PLCG1: variants seen among roughly 807,000 people sequenced by gnomAD.
PLCG1 encodes 1-phosphatidylinositol 4,5-bisphosphate phosphodiesterase gamma-1.
PLCG1 carries 71 observed loss-of-function variants against 177.8 expected under a neutral mutation model. The ratio of observed to expected loss-of-function variants is 0.40; its 90% CI spans 0.33 to 0.49. The LOEUF (loss-of-function observed/expected upper bound fraction) is 0.49, where lower values mean the gene tolerates loss of function less well. Ranked by LOEUF, PLCG1 falls within the 20% of genes least tolerant of loss-of-function variation. The pLI, the probability that PLCG1 is intolerant of heterozygous loss-of-function variation, is 0.72. For missense variants in PLCG1, 1,281 were observed against 1,709.0 expected, an observed-to-expected ratio of 0.75 and a Z score of 4.42; for synonymous variants, 658 against 647.9, an observed-to-expected ratio of 1.02 and a Z score of -0.24.
chr20:41,162,101 C>G (rs1286373674), intron 4 of PLCG1, among the ~76,000 whole-genome samples: 1 of 152,166 alleles, frequency 6.6e-6, no homozygotes, highest in African/African-American at 2.4e-5. Flanking sequence ...CACCTTGGCA[C>G]AGGCCTCAGC....
In PLCG1 at chr20:41,165,835, TC is replaced by T. The variant is rs774629840; in HGVS notation, c.1799+12del. On this transcript the variant is annotated intron_variant, in intron 16 of 31. Transcript: ENST00000685551. This position sits in a 1 kb window ranked among gnomAD's most constrained non-coding sequence, Gnocchi z 6.6. ...TACACGCTCTCTTTCTGGTAACACT[TC>T]CCATGCAGATGCGTATGTTCAGTCA... 5 of 1,567,886 alleles carry T rather than the reference TC, an allele frequency of 3.2e-6. No homozygotes were observed. The South Asian group carries it at 3.5e-5, about 11-fold the overall frequency.
Position 41,173,363 on chromosome 20 carries a change from T to G in PLCG1, c.3280-57T>G. On this transcript the variant is annotated intron_variant, in intron 27 of 31. Transcript: ENST00000685551. This position sits in a 1 kb window ranked among gnomAD's most constrained non-coding sequence, Gnocchi z 6.2. ...ACAGATGCTGACTGAGCCTCCGCAG[T>G]GGGGAATTGGAGGGAGCAGGAAGGA... 6 of 1,476,288 alleles carry G rather than the reference T, an allele frequency of 4.1e-6. No homozygotes were observed. Among genetic ancestry groups the G allele is most frequent in the Non-Finnish European group, 5.4e-6 (6 of 1,106,516 alleles). 91.4% of individuals were successfully genotyped at this position (1,476,288 alleles called of 1,614,324 possible). A position where few individuals can be genotyped will look rare whatever the true frequency, so the allele number is the denominator to read the frequency against.
Position 41,166,061 on chromosome 20 carries a change from C to A in PLCG1, c.1800-133C>A. On this transcript the variant is annotated intron_variant, in intron 16 of 31. Coordinates refer to ENST00000685551, the MANE Select transcript of PLCG1 (RefSeq NM_002660.3). This position sits in a 1 kb window ranked among gnomAD's most constrained non-coding sequence, Gnocchi z 8.6. ...CCTTTGGTTCATGTGACTGCCCACA[C>A]CTGAGCTCCTCAGGAGATTGGCCTC... The A allele has an allele frequency of 2.6e-6, 2 of 780,638 alleles. No homozygotes were observed. Among genetic ancestry groups the A allele is most frequent in the Non-Finnish European group, 4.1e-6 (2 of 491,396 alleles). The allele number at this position is 780,638 out of a possible 1,614,324, so 48.4% of individuals were successfully genotyped here.
In PLCG1 at chr20:41,137,627, C is replaced by G. The variant is rs1033305068; in HGVS notation, c.-15C>G. ...GGTCCTGGCCTGTGCCGCCGCCGCC[C>G]CCAGCGTCGGAGCCATGGCGGGCGC... On this transcript the variant is annotated 5_prime_UTR_variant, in exon 1 of 32. Transcript: ENST00000685551. The surrounding 1 kb of genome is among the most constrained non-coding windows in gnomAD (Gnocchi z 7.3). 6.8e-6 allele frequency: 9 copies of G among 1,315,274 alleles called. No homozygotes were observed. The African/African-American group carries it at 1.1e-4, about 16-fold the overall frequency. 81.5% of individuals were successfully genotyped at this position (1,315,274 alleles called of 1,614,324 possible). A position where few individuals can be genotyped will look rare whatever the true frequency, so the allele number is the denominator to read the frequency against.
chr20:41,155,282 GC>G (rs2035284931), intron 1 of PLCG1, among the ~76,000 whole-genome samples: 1 of 152,206 alleles, frequency 6.6e-6, no homozygotes, highest in Non-Finnish European at 1.5e-5. Flanking sequence ...GTAAGGGCAG[GC>G]CAAGGCTGAC....
chr20:41,171,559 C>G (rs2035896723), intron 24 of PLCG1, among the ~76,000 whole-genome samples: 1 of 135,898 alleles, frequency 7.4e-6, no homozygotes, highest in Non-Finnish European at 1.5e-5. Flanking sequence ...TGAACTCCAG[C>G]CTGGGCGACA....
intron 1 of PLCG1, chr20:41,138,120 A>T (rs1296183511): frequency 3.2e-6 from 1 of 309,710 alleles, no homozygotes; most frequent in African/African-American, 2.2e-5. Context: ...AGGCCTAAAA[A>T]TCCTCGCGGG....
Position 41,163,176 on chromosome 20 carries a change from T to A in PLCG1, c.717-27T>A. Reference sequence around the variant, plus strand: ...GCACCTTGTTGTCTGTTGACCATACTAGCTAGCTTACCTTCTCTCCCTGCA... The same window carrying A: ...GCACCTTGTTGTCTGTTGACCATACAAGCTAGCTTACCTTCTCTCCCTGCA... On this transcript the variant is annotated intron_variant, in intron 7 of 31. Transcript: ENST00000685551. This position sits in a 1 kb window ranked among gnomAD's most constrained non-coding sequence, Gnocchi z 5.2. The A allele has an allele frequency of 2.6e-6, 4 of 1,547,076 alleles. No individual in the cohort carries two copies. The highest frequency in any genetic ancestry group is 3.5e-6 in the Non-Finnish European group (4 of 1,147,872).
rs556503255 is a variant in PLCG1, at chr20:41,157,453, C to G, written c.218-2153C>G. 7.9e-5 allele frequency among the ~76,000 whole-genome samples: 12 copies of G among 152,278 alleles called. No homozygotes were observed. The highest frequency in any genetic ancestry group is 6.5e-4 in the Admixed American group (10 of 15,292). ...TTTTATGGCCCAGTTCTCCCTGCCCCTGTTTCTACCCGAGTATAACTGTTC... is the reference window on the plus strand; with the variant it reads ...TTTTATGGCCCAGTTCTCCCTGCCCGTGTTTCTACCCGAGTATAACTGTTC... On this transcript the variant is annotated intron_variant, in intron 1 of 31. Transcript: ENST00000685551. The surrounding 1 kb of genome is among the most constrained non-coding windows in gnomAD (Gnocchi z 5.4).
In PLCG1 at chr20:41,156,828, C is replaced by T. The variant is rs1180265742; in HGVS notation, c.218-2778C>T. On this transcript the variant is annotated intron_variant, in intron 1 of 31. Transcript: ENST00000685551. This position sits in a 1 kb window ranked among gnomAD's most constrained non-coding sequence, Gnocchi z 5.0. Reference sequence around the variant, plus strand: ...CCAGACTGGATCATTCGCTCTGTCACCTGCCACCAGGGCAGAGGCCATTCC... The same window carrying T: ...CCAGACTGGATCATTCGCTCTGTCATCTGCCACCAGGGCAGAGGCCATTCC... 6.6e-6 allele frequency among the ~76,000 whole-genome samples: 1 copy of T among 152,234 alleles called. No homozygotes were observed. The highest frequency in any genetic ancestry group is 1.9e-4 in the East Asian group (1 of 5,200).
intron 1 of PLCG1, among the ~76,000 whole-genome samples, chr20:41,139,244 T>C (rs139435114): frequency 4.6e-5 from 7 of 152,214 alleles, no homozygotes; most frequent in East Asian, 1.9e-4. Flanking sequence ...CTGTCAGCCA[T>C]TGGGAGAACA....
Position 41,171,862 on chromosome 20 carries a change from AGT to A in PLCG1, c.2809-328_2809-327del, listed in dbSNP as rs2035911234. On this transcript the variant is annotated intron_variant, in intron 24 of 31. Transcript: ENST00000685551. Reference sequence around the variant, plus strand: ...GAGGCTGGGTAATAAATGGTCAGAAAGTGTCATTTGGGAGTGTGGCCAATTCC... The same window carrying A: ...GAGGCTGGGTAATAAATGGTCAGAAAGTCATTTGGGAGTGTGGCCAATTCC... 2.0e-5 allele frequency among the ~76,000 whole-genome samples: 3 copies of A among 152,306 alleles called. No homozygotes were observed. The South Asian group carries it at 6.2e-4, about 32-fold the overall frequency.
At chr20:41,138,086 G>A (rs2034665213) in intron 1 of PLCG1, 1 of 371,006 alleles carries the variant, frequency 2.7e-6, no homozygotes, top group African/African-American at 2.1e-5. Context: ...CAGCTGGGGG[G>A]AGTGTTCCAG....
At chr20:41,138,127 CG>C in intron 1 of PLCG1, 1 of 304,318 alleles carries the variant, frequency 3.3e-6, no homozygotes, top group Non-Finnish European at 6.0e-6. Context: ...AAAATCCTCG[CG>C]GGCTGGAGAC....
At chr20:41,162,857 G>A in intron 6 of PLCG1, 101 bp from the exon 7 acceptor site, 2 of 1,347,054 alleles carry the variant, frequency 1.5e-6, no homozygotes, top group Non-Finnish European at 2.1e-6. Context: ...TTCTCCTCTT[G>A]AGGCCTGCCC....
At chr20:41,152,319 C>G (rs2035190315) in intron 1 of PLCG1, among the ~76,000 whole-genome samples, 1 of 152,236 alleles carries the variant, frequency 6.6e-6, no homozygotes, top group Non-Finnish European at 1.5e-5. Context: ...ACTGTTTTTC[C>G]CAAAGCTCTG....
rs756381860 is a variant in PLCG1, at chr20:41,173,738, G to A, written c.3481G>A (p.Val1161Met). ...NPEFAFLRFV[V>M]YEEDMFSDQN... The stretch of plus-strand genomic sequence containing the variant: ...TGAATTTGCCTTTCTGCGCTTCGTG[G>A]TGTATGAGGAAGACATGTTTAGTGA... The change falls in exon 29 of 32, where the codon GTG becomes ATG. Residue 1161 changes from valine (V) to methionine (M), a missense_variant. By Grantham distance (21) the Val-to-Met change is conservative. Around this residue, in one of 4 missense-constraint regions of PLCG1, gnomAD observed 723 missense variants for 1,030.0 expected, o/e 0.70. Transcript: ENST00000685551. The surrounding 1 kb of genome is among the most constrained non-coding windows in gnomAD (Gnocchi z 6.2). 7.4e-6 allele frequency: 12 copies of A among 1,614,016 alleles called. No homozygotes were observed. The highest frequency in any genetic ancestry group is 3.3e-5 in the Admixed American group (2 of 59,996).
rs2035226060 is a variant in PLCG1, at chr20:41,153,466, A to T, written c.218-6140A>T. On this transcript the variant is annotated intron_variant, in intron 1 of 31. Coordinates refer to ENST00000685551, the MANE Select transcript of PLCG1 (RefSeq NM_002660.3). The surrounding 1 kb of genome is among the most constrained non-coding windows in gnomAD (Gnocchi z 5.1). ...CTACCATGTCTAGCTAAGTTTTTTT[A>T]ATTTTTATTTTTTGCAGAGGTGGGG... 6.6e-6 allele frequency among the ~76,000 whole-genome samples: 1 copy of T among 151,988 alleles called. No homozygotes were observed. The highest frequency in any genetic ancestry group is 1.5e-5 in the Non-Finnish European group (1 of 67,992).
intron 1 of PLCG1, among the ~76,000 whole-genome samples, chr20:41,138,250 G>A (rs2034677586): frequency 6.6e-6 from 1 of 151,912 alleles, no homozygotes; most frequent in African/African-American, 2.4e-5. Flanking sequence ...TGACCAGACG[G>A]TCCCCGCCCA....
Sources: gnomAD v4.1 joint callset for allele counts (sites outside exome capture counted in the v4.1 genomes callset) on GRCh38, gnomAD v4.1.1 for gene constraint, gnomAD v4.1.1 regional missense constraint, Gnocchi (gnomAD v3.1) non-coding constraint, MANE v1.5 for transcripts, NCBI Gene and HGNC (gene_info 2026-07-23, HGNC 2026-07-21) for gene names.